The following DCP2 variants were observed in gnomAD, a reference collection of about 807,000 sequenced individuals.
DCP2 encodes m7GpppN-mRNA hydrolase.
A neutral mutation model predicts 56.1 loss-of-function variants in DCP2; 30 were observed. That is an observed-to-expected ratio of 0.53 (90% CI 0.40 to 0.73). The LOEUF (loss-of-function observed/expected upper bound fraction) is 0.73. Among genes scored for constraint, DCP2 ranks in the 30% least tolerant of loss-of-function variants. DCP2 has a pLI of 0.00. For missense variants in DCP2, 533 were observed against 502.7 expected (o/e 1.06, Z -0.58); for synonymous variants, 197 against 163.3 (o/e 1.21, Z -1.57).
chr5:113,013,514 G>T lies in DCP2; in HGVS notation c.*30G>T, dbSNP rs1289999754. 4 of 1,610,856 alleles carry T rather than the reference G, an allele frequency of 2.5e-6. No homozygotes were observed. Among genetic ancestry groups the T allele is most frequent in the Non-Finnish European group, 3.4e-6 (4 of 1,178,170 alleles). Reference sequence around the variant, plus strand: ...AGCACATGTATTGTAAATGTCCCAGGATCAGAGACCTGTTGAATTTGAGTG... The same window carrying T: ...AGCACATGTATTGTAAATGTCCCAGTATCAGAGACCTGTTGAATTTGAGTG... On this transcript the variant is annotated 3_prime_UTR_variant, in exon 11 of 11. Transcript: ENST00000389063.
intron 1 of DCP2, 90 bp from the exon 2 acceptor site, chr5:112,985,741 CAGTT>C: frequency 7.1e-7 from 1 of 1,413,280 alleles, no homozygotes; most frequent in African/African-American, 1.4e-5. Flanking sequence ...TCCCTTTTCT[CAGTT>C]GGTGGGTCAG....
intron 7 of DCP2, among the ~76,000 whole-genome samples, chr5:113,002,422 C>CAA (rs60697650): frequency 2.5e-4 from 20 of 81,390 alleles, no homozygotes; most frequent in East Asian, 1.3e-3. Flanking sequence ...GACTCGGTCT[C>CAA]AAAAAAAAAA....
Position 113,007,981 on chromosome 5 carries a change from C to G in DCP2, c.986C>G (p.Ser329Ter). 4 of 1,613,848 alleles carry G rather than the reference C, an allele frequency of 2.5e-6. No homozygotes were observed. In the African/African-American group the frequency reaches 4.0e-5, roughly 16 times the overall value. Reference protein sequence around the residue: ...RGNGRKQYQDSPNQKKRTNGL... With the variant: ...RGNGRKQYQD ...AATGGCAGAAAACAGTATCAAGATT[C>G]ACCTAATCAAAAGAAAAGAACAAAT... The change falls in exon 9 of 11, where the codon TCA (serine) becomes TGA (stop). Residue 329 changes from serine (S) to a stop codon, truncating the protein, a stop_gained. Coordinates refer to ENST00000389063, the MANE Select transcript of DCP2 (RefSeq NM_152624.6). LOFTEE classifies it high-confidence loss of function.
chr5:113,017,270 G>C lies in DCP2; in HGVS notation c.*3786G>C, dbSNP rs1353060291. 1 of 152,128 alleles carries C rather than the reference G, an allele frequency of 6.6e-6. No homozygotes were observed. The highest frequency in any genetic ancestry group is 1.5e-5 in the Non-Finnish European group (1 of 68,014). 9.4% of individuals were successfully genotyped at this position (152,128 alleles called of 1,614,324 possible). On this transcript the variant is annotated 3_prime_UTR_variant, in exon 11 of 11. Transcript: ENST00000389063. Reference sequence around the variant, plus strand: ...AGCCTGGGGGATGGGGTTCATATGTGTTGTTGTAACTTTAGATTACTAAAC... The same window carrying C: ...AGCCTGGGGGATGGGGTTCATATGTCTTGTTGTAACTTTAGATTACTAAAC...
chr5:112,982,576 AC>A, intron 1 of DCP2, among the ~76,000 whole-genome samples: 1 of 152,342 alleles, frequency 6.6e-6, no homozygotes, highest in South Asian at 2.1e-4. Context: ...TCTAGCGTCC[AC>A]ATTTTGAGTA....
intron 1 of DCP2, among the ~76,000 whole-genome samples, chr5:112,978,982 C>G (rs542715175): frequency 4.5e-4 from 68 of 152,172 alleles, no homozygotes; most frequent in Non-Finnish European, 7.2e-4. Context: ...TGCATATTAT[C>G]TAGGATTACA....
chr5:112,995,282 C>T (rs13360713), intron 4 of DCP2, among the ~76,000 whole-genome samples: 4,767 of 152,280 alleles, frequency 0.031, 241 homozygotes, highest in African/African-American at 0.11. Flanking sequence ...GCCATATCAC[C>T]TAAGAGCTTA....
rs372524812 is a variant in DCP2 at position 112,976,893 on chromosome 5, C to T, written c.-41C>T. 9.3e-6 allele frequency: 15 copies of T among 1,610,452 alleles called. No individual in the cohort carries two copies. Among genetic ancestry groups the T allele is most frequent in the South Asian group, 4.4e-5 (4 of 91,016 alleles). Reference sequence around the variant, plus strand: ...GTGCCGTACCGTCAGTCCCCGGCCGCGCGGAGCCGGGATGCACTGTTCCTG... The same window carrying T: ...GTGCCGTACCGTCAGTCCCCGGCCGTGCGGAGCCGGGATGCACTGTTCCTG... On this transcript the variant is annotated 5_prime_UTR_variant, in exon 1 of 11. Transcript: ENST00000389063.
Position 113,016,859 on chromosome 5 carries a change from G to A in DCP2, c.*3375G>A, listed in dbSNP as rs897297586. On this transcript the variant is annotated 3_prime_UTR_variant, in exon 11 of 11. Coordinates refer to ENST00000389063, the MANE Select transcript of DCP2 (RefSeq NM_152624.6). ...TCTTGGCTTTTTTTTTTTTTTTTTT[G>A]AGATGGAGTTTCACTCCTGTTGCCC... The A allele has an allele frequency of 4.5e-5, 1 of 22,030 alleles. No individual in the cohort carries two copies. Among genetic ancestry groups the A allele is most frequent in the Admixed American group, 4.4e-4 (1 of 2,250 alleles). The allele number at this position is 22,030 out of a possible 1,614,324, so 1.4% of individuals were successfully genotyped here.
chr5:113,007,280 T>C (rs187622466), intron 8 of DCP2, among the ~76,000 whole-genome samples: 23 of 152,308 alleles, frequency 1.5e-4, no homozygotes, highest in Non-Finnish European at 3.4e-4. Context: ...GAACTGTAGC[T>C]AATGTCCCTC....
rs1747730946 is a variant in DCP2 at position 112,976,905 on chromosome 5, A to T, written c.-29A>T. On this transcript the variant is annotated 5_prime_UTR_variant, in exon 1 of 11. An upstream start codon of the reference 5' UTR is lost. Transcript: ENST00000389063. Reference sequence around the variant, plus strand: ...CAGTCCCCGGCCGCGCGGAGCCGGGATGCACTGTTCCTGCTGTGGGTCCTC... The same window carrying T: ...CAGTCCCCGGCCGCGCGGAGCCGGGTTGCACTGTTCCTGCTGTGGGTCCTC... The T allele has an allele frequency of 6.2e-7, 1 of 1,613,230 alleles. No individual in the cohort carries two copies. The highest frequency in any genetic ancestry group is 1.3e-5 in the African/African-American group (1 of 74,896).
At chr5:113,000,224 C>G (rs937501759) in intron 4 of DCP2, among the ~76,000 whole-genome samples, 6 of 152,084 alleles carry the variant, frequency 3.9e-5, no homozygotes, top group African/African-American at 1.4e-4. Flanking sequence ...TCCCAAAGTA[C>G]TGAGATTGCA....
rs538405786 is a variant in DCP2, at chr5:113,009,253, C to T, written c.1047+1211C>T. Among the ~76,000 whole-genome samples, 6 of 152,290 alleles carry T rather than the reference C, an allele frequency of 3.9e-5. No homozygotes were observed. The South Asian group carries it at 8.3e-4, about 21-fold the overall frequency. On this transcript the variant is annotated intron_variant, in intron 9 of 10. Transcript: ENST00000389063. The stretch of plus-strand genomic sequence containing the variant: ...CTTTGTAGATTTTTTGGGAGAACTT[C>T]ACAAAATACTCTCACATTTGTCTAG...
chr5:112,994,632 A>G (rs1186660859), intron 4 of DCP2, among the ~76,000 whole-genome samples: 1 of 152,186 alleles, frequency 6.6e-6, no homozygotes, highest in Non-Finnish European at 1.5e-5. Flanking sequence ...CTTACCATTT[A>G]TCACACAATT....
At chr5:112,990,211 T>C (rs1748516684) in intron 2 of DCP2, among the ~76,000 whole-genome samples, 1 of 152,218 alleles carries the variant, frequency 6.6e-6, no homozygotes, top group African/African-American at 2.4e-5. Flanking sequence ...CATACTTTGA[T>C]AAGAGCATAC....
intron 2 of DCP2, among the ~76,000 whole-genome samples, chr5:112,991,659 T>C (rs890194339): frequency 5.9e-5 from 9 of 152,240 alleles, no homozygotes; most frequent in Non-Finnish European, 1.5e-5. Context: ...TTTCTTTCTC[T>C]TAGCAATATA....
In DCP2 at chr5:112,992,732, A is replaced by G; in HGVS notation, c.394A>G (p.Asn132Asp). Reference sequence around the variant, plus strand: ...CTGGGGATTTCCAAAAGGAAAAGTAAATAAAGAAGAAGCTCCTCATGATTG... The same window carrying G: ...CTGGGGATTTCCAAAAGGAAAAGTAGATAAAGAAGAAGCTCCTCATGATTG... ...SGWGFPKGKV[N>D]KEEAPHDCAA... Residue 132 changes from asparagine to aspartate, a missense_variant, in exon 4 of 11, where the codon AAT (asparagine) becomes GAT (aspartate). Physicochemically the swap from Asn to Asp is conservative, Grantham distance 23. This residue lies in a region of DCP2 where 392 missense variants were observed against 346.6 expected (regional missense o/e 1.13). Coordinates refer to ENST00000389063, the MANE Select transcript of DCP2 (RefSeq NM_152624.6). 1 of 1,592,126 alleles carries G rather than the reference A, an allele frequency of 6.3e-7. No homozygotes were observed. The highest frequency in any genetic ancestry group is 8.5e-7 in the Non-Finnish European group (1 of 1,174,498).
Position 113,021,507 on chromosome 5 carries a change from G to C in DCP2, c.*8023G>C, listed in dbSNP as rs886497419. Among the ~76,000 whole-genome samples the C allele has an allele frequency of 2.6e-5, 4 of 151,808 alleles. No individual in the cohort carries two copies. Among genetic ancestry groups the C allele is most frequent in the Non-Finnish European group, 4.4e-5 (3 of 67,996 alleles). ...AAGATTATAGTGTAGGGCTTGAGAT[G>C]TGAATTCATTAGATATTTAAAATCC... On this transcript the variant is annotated 3_prime_UTR_variant, in exon 11 of 11. Transcript: ENST00000389063.
Position 113,013,839 on chromosome 5 carries a change from C to G in DCP2, c.*355C>G. ...ATGGGAATGCTCCATCTACCTGTTA[C>G]AGTGATTGCAATAATAGTATATTGG... On this transcript the variant is annotated 3_prime_UTR_variant, in exon 11 of 11. Coordinates refer to ENST00000389063, the MANE Select transcript of DCP2 (RefSeq NM_152624.6). 1 of 177,870 alleles carries G rather than the reference C, an allele frequency of 5.6e-6. No individual in the cohort carries two copies. Among genetic ancestry groups the G allele is most frequent in the Non-Finnish European group, 1.2e-5 (1 of 84,704 alleles). The allele number at this position is 177,870 out of a possible 1,614,324, so 11.0% of individuals were successfully genotyped here.
Sources: allele counts gnomAD v4.1 joint callset (sites outside exome capture counted in the v4.1 genomes callset), GRCh38; gene constraint gnomAD v4.1.1; regional missense constraint gnomAD v4.1.1; transcripts MANE v1.5; gene names NCBI Gene and HGNC (gene_info 2026-07-23, HGNC 2026-07-21).